CDH13: variants seen among roughly 807,000 people sequenced by gnomAD.
The protein encoded by CDH13 is cadherin-13.
CDH13 carries 24 observed loss-of-function variants against 63.8 expected under a neutral mutation model. The observed-to-expected ratio is 0.38, with a 90% CI of 0.27 to 0.53. CDH13 has a LOEUF of 0.53. CDH13 is among the 20% of genes least tolerant of loss of function. The pLI, the probability that CDH13 is intolerant of heterozygous loss-of-function variation, is 0.85. For synonymous variants in CDH13, 503 were observed against 355.3 expected, an observed-to-expected ratio of 1.42 and a Z score of -4.67; for missense variants, 1,049 against 903.1, an observed-to-expected ratio of 1.16 and a Z score of -2.07.
chr16:82,704,546 A>G (rs2031324118), intron 1 of CDH13, among the ~76,000 whole-genome samples: 1 of 152,200 alleles, frequency 6.6e-6, no homozygotes, highest in African/African-American at 2.4e-5. Flanking sequence ...CAATAACCAC[A>G]GTGCCTTGCT....
At chr16:83,427,163 C>T (rs2071936194) in intron 6 of CDH13, among the ~76,000 whole-genome samples, 1 of 151,962 alleles carries the variant, frequency 6.6e-6, no homozygotes, top group Non-Finnish European at 1.5e-5. Context: ...ATCCGCCTGC[C>T]TCAGCCTCCC....
At chr16:83,041,676 T>C (rs987342495) in intron 3 of CDH13, among the ~76,000 whole-genome samples, 3 of 152,126 alleles carry the variant, frequency 2.0e-5, no homozygotes. Context: ...TTAGCGAAAA[T>C]TTTTGTGGAT....
At chr16:82,953,761 A>C (rs1905634094) in intron 2 of CDH13, 2 of 152,182 alleles carry the variant, frequency 1.3e-5, no homozygotes. Flanking sequence ...CATGTCTCAC[A>C]TATGTAGGAA....
intron 6 of CDH13, among the ~76,000 whole-genome samples, chr16:83,363,865 C>G (rs551599634): frequency 1.8e-4 from 27 of 152,248 alleles, no homozygotes; most frequent in African/African-American, 5.8e-4. Flanking sequence ...GAGAGCAAGA[C>G]AATGAATATC....
At chr16:83,473,549 G>A (rs565998315) in intron 6 of CDH13, among the ~76,000 whole-genome samples, 1 of 152,202 alleles carries the variant, frequency 6.6e-6, no homozygotes, top group East Asian at 1.9e-4. Flanking sequence ...TGGAGTCATC[G>A]ATCATCTGTC....
intron 1 of CDH13, among the ~76,000 whole-genome samples, chr16:82,653,484 T>C (rs919282576): frequency 3.3e-5 from 5 of 152,054 alleles, no homozygotes; most frequent in Non-Finnish European, 7.4e-5. Flanking sequence ...GCAACAGAAA[T>C]TAGGCACTGA....
intron 5 of CDH13, among the ~76,000 whole-genome samples, chr16:83,230,935 C>G (rs958944811): frequency 3.9e-5 from 6 of 152,200 alleles, no homozygotes; most frequent in Non-Finnish European, 5.9e-5. Context: ...GGAATGTGAA[C>G]CAAGCATATG....
intron 7 of CDH13, among the ~76,000 whole-genome samples, chr16:83,499,334 G>C (rs903768816): frequency 6.6e-6 from 1 of 152,206 alleles, no homozygotes; most frequent in Non-Finnish European, 1.5e-5. Context: ...AAAAGGATTT[G>C]TGTGATGTTT....
intron 4 of CDH13, among the ~76,000 whole-genome samples, chr16:83,150,291 C>T (rs995094801): frequency 2.0e-5 from 3 of 152,088 alleles, no homozygotes; most frequent in Non-Finnish European, 4.4e-5. Context: ...TAATGACATC[C>T]CTAATTCTCT....
chr16:83,551,361 CT>C (rs35831996), intron 7 of CDH13, among the ~76,000 whole-genome samples: 45,811 of 152,054 alleles, frequency 0.3, 6,972 homozygotes, highest in Middle Eastern at 0.36. Flanking sequence ...GTCACCGCCC[CT>C]GGCTTAATTC....
chr16:83,480,128 C>T (rs2151552988), intron 6 of CDH13, among the ~76,000 whole-genome samples: 1 of 152,214 alleles, frequency 6.6e-6, no homozygotes, highest in South Asian at 2.1e-4. Context: ...GGTTCAAGAC[C>T]AGCCCAGGCA....
chr16:82,635,375 G>A (rs532643075), intron 1 of CDH13, among the ~76,000 whole-genome samples: 13 of 152,346 alleles, frequency 8.5e-5, no homozygotes, highest in African/African-American at 3.1e-4. Flanking sequence ...GGTGGGGAAA[G>A]GCATTCCAGG....
intron 1 of CDH13, among the ~76,000 whole-genome samples, chr16:82,704,507 C>G (rs2031319411): frequency 6.6e-6 from 1 of 152,200 alleles, no homozygotes. Context: ...CTCCACATCT[C>G]AAGACCTAAG....
At chr16:83,454,365 C>G (rs1016870285) in intron 6 of CDH13, among the ~76,000 whole-genome samples, 1 of 152,140 alleles carries the variant, frequency 6.6e-6, no homozygotes, top group African/African-American at 2.4e-5. Context: ...TTTGATTTAC[C>G]TTTTTTAATT....
chr16:82,675,220 C>T (rs1913759909), intron 1 of CDH13, among the ~76,000 whole-genome samples: 1 of 152,188 alleles, frequency 6.6e-6, no homozygotes, highest in Admixed American at 6.5e-5. Flanking sequence ...TAAGATTTCT[C>T]TGACATTAGG....
At position 82,761,652 on chromosome 16, in the gene CDH13, G is replaced by A. The variant is rs138847598; in HGVS notation, c.46-96710G>A. Among the ~76,000 whole-genome samples the A allele has an allele frequency of 2.3e-3, 353 of 152,286 alleles. 1 individual carries two copies. Among genetic ancestry groups the A allele is most frequent in the African/African-American group, 8.2e-3 (342 of 41,574 alleles). On this transcript the variant is annotated intron_variant, in intron 1 of 13. Transcript: ENST00000567109. ...TAGATATAATTAAAAGTCACATAAA[G>A]TTCCAAAAAATATTTTTCACTTGTT...
At chr16:83,678,682 G>A (rs1055105297) in intron 10 of CDH13, among the ~76,000 whole-genome samples, 3 of 152,292 alleles carry the variant, frequency 2.0e-5, no homozygotes, top group African/African-American at 7.2e-5. Flanking sequence ...TCCAGCCTGG[G>A]AGAAGAGTAG....
chr16:83,790,509 C>A (rs1916188445), intron 13 of CDH13, among the ~76,000 whole-genome samples: 1 of 152,196 alleles, frequency 6.6e-6, no homozygotes, highest in Admixed American at 6.5e-5. Flanking sequence ...ACGCCATTCT[C>A]CTGCCTCAGC....
chr16:83,311,775 C>T (rs924078609), intron 5 of CDH13, among the ~76,000 whole-genome samples: 1 of 152,182 alleles, frequency 6.6e-6, no homozygotes, highest in Non-Finnish European at 1.5e-5. Flanking sequence ...ACGCATCTTC[C>T]TAATAAAAGA....
Sources: gnomAD v4.1 joint callset for allele counts (sites outside exome capture counted in the v4.1 genomes callset) on GRCh38, gnomAD v4.1.1 for gene constraint, MANE v1.5 for transcripts, NCBI Gene and HGNC (gene_info 2026-07-23, HGNC 2026-07-21) for gene names.